Variants in SAXO1 observed in about 807,000 individuals in gnomAD.
SAXO1 encodes 4930500O09Rik.
SAXO1 carries 21 observed loss-of-function variants against 17.5 expected under a neutral mutation model. The ratio of observed to expected loss-of-function variants is 1.20; its 90% confidence interval spans 0.85 to 1.72. SAXO1 has a LOEUF of 1.72. Among genes scored for constraint, SAXO1 ranks in the 40% most tolerant of loss-of-function variants. The probability of loss-of-function intolerance (pLI) is 0.00; values close to 1 mark genes in which losing one functional copy is unlikely to be tolerated. For synonymous variants in SAXO1, 274 were observed against 216.5 expected (o/e 1.27, Z -2.33); for missense variants, 843 against 596.0 (o/e 1.41, Z -4.32).
intron 3 of SAXO1, among the ~76,000 whole-genome samples, chr9:18,934,039 T>C (rs1303788699): frequency 2.6e-5 from 4 of 151,278 alleles, no homozygotes; most frequent in Admixed American, 1.3e-4. Flanking sequence ...AGAGCGAGAC[T>C]CCGTCTCAAA....
intron 1 of SAXO1, among the ~76,000 whole-genome samples, chr9:19,003,776 A>G (rs1159111465): frequency 6.6e-6 from 1 of 152,244 alleles, no homozygotes; most frequent in African/African-American, 2.4e-5. Context: ...CGTAAGACCT[A>G]AAACCATAAA....
intron 3 of SAXO1, among the ~76,000 whole-genome samples, chr9:18,937,491 A>C (rs1390227834): frequency 1.3e-5 from 2 of 152,196 alleles, no homozygotes; most frequent in African/African-American, 2.4e-5. Flanking sequence ...TGACAGAACA[A>C]ACAAACCACT....
At chr9:19,020,285 T>C (rs1406149564) in intron 1 of SAXO1, among the ~76,000 whole-genome samples, 2 of 152,174 alleles carry the variant, frequency 1.3e-5, no homozygotes, top group African/African-American at 2.4e-5. Context: ...TAAAACTTCA[T>C]GCTTACTCTT....
intron 3 of SAXO1, among the ~76,000 whole-genome samples, chr9:18,932,058 T>A (rs897410862): frequency 3.9e-5 from 6 of 152,250 alleles, no homozygotes; most frequent in Non-Finnish European, 8.8e-5. Context: ...GGTTTTGAAT[T>A]GCGATAAAGT....
intron 1 of SAXO1, among the ~76,000 whole-genome samples, chr9:19,025,355 C>G (rs1835430859): frequency 6.6e-6 from 1 of 151,854 alleles, no homozygotes; most frequent in African/African-American, 2.4e-5. Context: ...AATATGAAAC[C>G]AAGTCCTCAA....
At chr9:18,977,977 G>C (rs1462746889) in intron 1 of SAXO1, among the ~76,000 whole-genome samples, 3 of 119,212 alleles carry the variant, frequency 2.5e-5, no homozygotes, top group African/African-American at 3.3e-5. Flanking sequence ...GCCTGGGTAA[G>C]AGAATGAGAC....
chr9:19,045,316 CAAAAAAAAAAAAAAA>C (rs575855900), intron 1 of SAXO1, among the ~76,000 whole-genome samples: 19 of 89,338 alleles, frequency 2.1e-4, no homozygotes, highest in East Asian at 1.1e-3. Context: ...GACTCCGTCT[CAAAAAAAAAAAAAAA>C]AAAAAAAAAA....
chr9:19,011,848 G>GTTTTTTTTTTTTTTTTT lies in SAXO1; in HGVS notation c.38+21022_38+21023insAAAAAAAAAAAAAAAAA, dbSNP rs10646825. ...TTCAATTTTACCATTATTAAGCATA[G>GTTTTTTTTTTTTTTTTT]ATTTTTTTTTTTTTTTGAGATGGAG... On this transcript the variant is annotated intron_variant, in intron 1 of 3. Transcript: ENST00000380534. Among the ~76,000 whole-genome samples, 2 of 143,522 alleles carry GTTTTTTTTTTTTTTTTT rather than the reference G, an allele frequency of 1.4e-5. 1 individual carries two copies. The highest frequency in any genetic ancestry group is 3.0e-5 in the Non-Finnish European group (2 of 66,496). The allele number at this position is 143,522 out of a possible 152,430, so 94.2% of individuals were successfully genotyped here. A position where few individuals can be genotyped will look rare whatever the true frequency, so the allele number is the denominator to read the frequency against.
intron 1 of SAXO1, among the ~76,000 whole-genome samples, chr9:18,981,833 G>T (rs530691471): frequency 6.6e-6 from 1 of 152,298 alleles, no homozygotes; most frequent in South Asian, 2.1e-4. Context: ...AGGGCCCACC[G>T]TAAGTGCCAG....
intron 1 of SAXO1, among the ~76,000 whole-genome samples, chr9:19,024,457 G>C (rs530784278): frequency 5.0e-4 from 76 of 152,204 alleles, no homozygotes; most frequent in Non-Finnish European, 5.6e-4. Context: ...TGGGGCGAGG[G>C]GGGGAGGGAT....
chr9:18,985,855 G>C (rs967536995), intron 1 of SAXO1, among the ~76,000 whole-genome samples: 1 of 152,102 alleles, frequency 6.6e-6, no homozygotes, highest in Non-Finnish European at 1.5e-5. Context: ...CACATGTCAG[G>C]GAAAAAGCAT....
intron 1 of SAXO1, chr9:19,027,678 T>A: frequency 7.4e-7 from 1 of 1,357,620 alleles, no homozygotes; most frequent in Non-Finnish European, 1.1e-6. Context: ...GCGCCCTCCA[T>A]CATCTTCACT....
At chr9:18,968,583 A>T (rs1832821996) in intron 1 of SAXO1, among the ~76,000 whole-genome samples, 1 of 130,990 alleles carries the variant, frequency 7.6e-6, no homozygotes, top group Admixed American at 8.5e-5. Flanking sequence ...TGGTTAAGAA[A>T]ATGTCCCCCT....
At chr9:18,989,002 T>TGC (rs1833700459) in intron 1 of SAXO1, among the ~76,000 whole-genome samples, 1 of 152,148 alleles carries the variant, frequency 6.6e-6, no homozygotes, top group African/African-American at 2.4e-5. Flanking sequence ...ATAGGATGTA[T>TGC]GCCTTTTTAT....
chr9:18,941,947 C>A, intron 2 of SAXO1, 108 bp from the exon 3 acceptor site: 2 of 1,011,966 alleles, frequency 2.0e-6, no homozygotes, highest in South Asian at 1.4e-5. Context: ...CTGTTCTACT[C>A]TACCTGCCTT....
intron 1 of SAXO1, among the ~76,000 whole-genome samples, chr9:19,026,553 C>G (rs1335493140): frequency 6.6e-6 from 1 of 152,108 alleles, no homozygotes; most frequent in African/African-American, 2.4e-5. Context: ...ATTTAGTCAT[C>G]TGGGAAAGAA....
At chr9:18,976,896 C>T (rs1430678387) in intron 1 of SAXO1, among the ~76,000 whole-genome samples, 2 of 152,240 alleles carry the variant, frequency 1.3e-5, no homozygotes, top group Non-Finnish European at 2.9e-5. Flanking sequence ...CCTCAAGTTT[C>T]ATCAGGAACG....
intron 2 of SAXO1, among the ~76,000 whole-genome samples, chr9:18,944,788 G>A (rs1399562531): frequency 2.0e-5 from 3 of 152,154 alleles, no homozygotes; most frequent in Non-Finnish European, 4.4e-5. Context: ...AGTGAGCTAG[G>A]GTCCTGAGCC....
chr9:18,972,052 G>C (rs7023291), intron 1 of SAXO1, among the ~76,000 whole-genome samples: 1 of 152,046 alleles, frequency 6.6e-6, no homozygotes, highest in Non-Finnish European at 1.5e-5. Flanking sequence ...TTTCATGAAA[G>C]TCAGAACTTG....
Sources: gnomAD v4.1 joint callset for allele counts (sites outside exome capture counted in the v4.1 genomes callset) on GRCh38, gnomAD v4.1.1 for gene constraint, MANE v1.5 for transcripts, NCBI Gene and HGNC (gene_info 2026-07-23, HGNC 2026-07-21) for gene names.